The following EHD4 variants were observed in gnomAD, a reference collection of about 807,000 sequenced individuals.
EHD4 encodes EH domain containing 4.
A neutral mutation model predicts 51.0 loss-of-function variants in EHD4; 37 were observed. The observed-to-expected ratio is 0.73, with a 90% CI of 0.56 to 0.95. EHD4 has a LOEUF of 0.95. Among genes scored for constraint, EHD4 ranks in the 40% least tolerant of loss-of-function variants. The pLI, the probability that EHD4 is intolerant of heterozygous loss-of-function variation, is 0.00. For missense variants in EHD4, 632 were observed against 733.1 expected (o/e 0.86, Z 1.59); for synonymous variants, 297 against 317.3 (o/e 0.94, Z 0.68).
At chr15:41,925,905 G>C (rs1488498306) in intron 3 of EHD4, among the ~76,000 whole-genome samples, 1 of 152,202 alleles carries the variant, frequency 6.6e-6, no homozygotes, top group Non-Finnish European at 1.5e-5. Context: ...CCAGGGAATG[G>C]CATAAGGGGT....
intron 3 of EHD4, chr15:41,941,955 C>T (rs1261943639): frequency 6.6e-6 from 1 of 152,284 alleles, no homozygotes; most frequent in Non-Finnish European, 1.5e-5. Flanking sequence ...CATGCCCAGA[C>T]TTCTCAGCAC....
chr15:41,963,158 A>G (rs922750964), intron 1 of EHD4, among the ~76,000 whole-genome samples: 3 of 152,274 alleles, frequency 2.0e-5, no homozygotes, highest in Non-Finnish European at 4.4e-5. Context: ...AACACTGCGG[A>G]AGGCCGCAGG....
intron 3 of EHD4, among the ~76,000 whole-genome samples, chr15:41,935,889 G>A (rs1015828968): frequency 2.6e-5 from 4 of 152,202 alleles, no homozygotes; most frequent in South Asian, 2.1e-4. Context: ...CAGCTCAACT[G>A]AGCTGGTTCT....
chr15:41,968,453 C>CTTTTTTTTTT (rs11291085), intron 1 of EHD4, among the ~76,000 whole-genome samples: 2 of 124,664 alleles, frequency 1.6e-5, no homozygotes. Flanking sequence ...ATCTTTACTC[C>CTTTTTTTTTT]TTTTTTTTTT....
chr15:41,906,164 A>G (rs1345998839), intron 5 of EHD4, among the ~76,000 whole-genome samples: 1 of 152,174 alleles, frequency 6.6e-6, no homozygotes, highest in Non-Finnish European at 1.5e-5. Flanking sequence ...CTGTCTTTCC[A>G]TTTGGCTGCT....
chr15:41,931,073 T>C (rs2067695213), intron 3 of EHD4, among the ~76,000 whole-genome samples: 1 of 152,224 alleles, frequency 6.6e-6, no homozygotes, highest in Non-Finnish European at 1.5e-5. Flanking sequence ...CGCCGCTCCT[T>C]TTGATTCCAA....
intron 3 of EHD4, chr15:41,928,462 C>T (rs934942289): frequency 6.6e-6 from 1 of 152,230 alleles, no homozygotes; most frequent in Non-Finnish European, 1.5e-5. Context: ...TGTGCTTTCA[C>T]CCGCTGCGCT....
rs569020918 is a variant in EHD4, at chr15:41,949,078, A to G, written c.413+4686T>C. Among the ~76,000 whole-genome samples, 64 of 138,280 alleles carry G rather than the reference A, an allele frequency of 4.6e-4. No homozygotes were observed. In the South Asian group the frequency reaches 0.015, roughly 32 times the overall value. The allele number at this position is 138,280 out of a possible 152,430, so 90.7% of individuals were successfully genotyped here. ...CACACATACACACACACATACATAT[A>G]CATAAATTTGGCCAGGCATGGTGGC... On this transcript the variant is annotated intron_variant, in intron 2 of 5. Coordinates refer to ENST00000220325, the MANE Select transcript of EHD4 (RefSeq NM_139265.4).
chr15:41,916,612 C>T (rs898756060), intron 4 of EHD4, among the ~76,000 whole-genome samples: 1 of 152,258 alleles, frequency 6.6e-6, no homozygotes, highest in Non-Finnish European at 1.5e-5. Context: ...AGGTAAGCAT[C>T]TGTCCATTTA....
chr15:41,918,769 G>A (rs979278804), intron 4 of EHD4, among the ~76,000 whole-genome samples: 1 of 152,238 alleles, frequency 6.6e-6, no homozygotes, highest in Non-Finnish European at 1.5e-5. Context: ...TTGGTGCACG[G>A]GGACTAGCAG....
intron 5 of EHD4, among the ~76,000 whole-genome samples, chr15:41,904,024 A>C (rs2067496164): frequency 6.6e-6 from 1 of 152,130 alleles, no homozygotes; most frequent in Admixed American, 6.5e-5. Flanking sequence ...GAGAACGCTA[A>C]GCAGGTGGAG....
rs897676603 is a variant in EHD4 at position 41,943,023 on chromosome 15, C to A, written c.511+44G>T. On this transcript the variant is annotated intron_variant, in intron 3 of 5. Coordinates refer to ENST00000220325, the MANE Select transcript of EHD4 (RefSeq NM_139265.4). ...AATCCTCTGCTCACAGCAGAGAGGGCCTCAGCCAGCACTTGGTGGGGAGGG... is the reference window on the plus strand; with the variant it reads ...AATCCTCTGCTCACAGCAGAGAGGGACTCAGCCAGCACTTGGTGGGGAGGG... The A allele has an allele frequency of 2.7e-6, 4 of 1,468,234 alleles. No homozygotes were observed. The African/African-American group carries it at 4.2e-5, about 15-fold the overall frequency. The allele number at this position is 1,468,234 out of a possible 1,614,324, so 91.0% of individuals were successfully genotyped here.
Position 41,900,757 on chromosome 15 carries a change from G to T in EHD4, c.1514C>A (p.Ala505Glu). Residue 505 changes from alanine (A) to glutamate (E), a missense_variant, in exon 6 of 6, where the codon GCG (alanine) becomes GAG (glutamate). Coordinates refer to ENST00000220325, the MANE Select transcript of EHD4 (RefSeq NM_139265.4). This position sits in a 1 kb window ranked among gnomAD's most constrained non-coding sequence, Gnocchi z 4.8. ...GATCTTGATGAGGTGCTTGGCCAGC[G>T]CGAACTCCTCCTCATCAAGCATGCC... is the stretch of plus-strand genomic sequence containing the variant. The part of the protein sequence containing the change: ...CDGMLDEEEF[A>E]LAKHLIKIKL... 1.9e-6 allele frequency: 3 copies of T among 1,613,860 alleles called. No homozygotes were observed. Among genetic ancestry groups the T allele is most frequent in the Non-Finnish European group, 2.5e-6 (3 of 1,180,036 alleles).
At chr15:41,942,846 T>G (rs544321109) in intron 3 of EHD4, 1 of 344,752 alleles carries the variant, frequency 2.9e-6, no homozygotes, top group Non-Finnish European at 5.1e-6. Flanking sequence ...CTTCATTTAC[T>G]CATGTGTAAC....
At chr15:41,934,852 G>A (rs1375538532) in intron 3 of EHD4, among the ~76,000 whole-genome samples, 2 of 152,210 alleles carry the variant, frequency 1.3e-5, no homozygotes, top group African/African-American at 4.8e-5. Flanking sequence ...CTGAGTGGCA[G>A]GCCCAGGGCT....
At chr15:41,926,699 T>C (rs1463325902) in intron 3 of EHD4, among the ~76,000 whole-genome samples, 1 of 152,240 alleles carries the variant, frequency 6.6e-6, no homozygotes, top group Non-Finnish European at 1.5e-5. Context: ...AAATTCTCCA[T>C]GACTAGCCTC....
chr15:41,917,021 A>G (rs2067589172), intron 4 of EHD4, among the ~76,000 whole-genome samples: 1 of 152,228 alleles, frequency 6.6e-6, no homozygotes, highest in South Asian at 2.1e-4. Flanking sequence ...GCCCGTTCAG[A>G]GGGCCCGAGG....
chr15:41,937,861 T>C (rs1375634737), intron 3 of EHD4, among the ~76,000 whole-genome samples: 2 of 152,192 alleles, frequency 1.3e-5, no homozygotes, highest in African/African-American at 2.4e-5. Context: ...TTTTGAGATA[T>C]GGGTTGAGTA....
intron 2 of EHD4, among the ~76,000 whole-genome samples, chr15:41,947,636 C>T (rs1233929944): frequency 6.6e-6 from 1 of 152,126 alleles, no homozygotes; most frequent in South Asian, 2.1e-4. Context: ...TGTAATAATT[C>T]TTATTATATG....
Sources: gnomAD v4.1 joint callset for allele counts (sites outside exome capture counted in the v4.1 genomes callset) on GRCh38, gnomAD v4.1.1 for gene constraint, Gnocchi (gnomAD v3.1) non-coding constraint, MANE v1.5 for transcripts, NCBI Gene and HGNC (gene_info 2026-07-23, HGNC 2026-07-21) for gene names.